FRMD5: variants seen among roughly 807,000 people sequenced by gnomAD.
The protein encoded by FRMD5 is FERM domain containing 5, also known as FERM domain-containing protein 5.
FRMD5 carries 20 observed loss-of-function variants against 69.0 expected under a neutral mutation model. The ratio of observed to expected loss-of-function variants is 0.29; its 90% CI spans 0.20 to 0.42. The LOEUF (loss-of-function observed/expected upper bound fraction) is 0.42, where lower values mean the gene tolerates loss of function less well. Among genes scored for constraint, FRMD5 ranks in the 10% least tolerant of loss-of-function variants. FRMD5 has a pLI of 1.00. For synonymous variants in FRMD5, 271 were observed against 260.1 expected, an observed-to-expected ratio of 1.04 and a Z score of -0.40; for missense variants, 595 against 708.6, an observed-to-expected ratio of 0.84 and a Z score of 1.82.
intron 13 of FRMD5, chr15:43,876,350 TGA>T (rs2088356765): frequency 1.2e-6 from 1 of 854,156 alleles, no homozygotes; most frequent in Non-Finnish European, 2.0e-6. Flanking sequence ...GACCACGGTT[TGA>T]GTCTCAAGTC....
At chr15:44,082,815 C>T (rs1422260970) in intron 1 of FRMD5, among the ~76,000 whole-genome samples, 1 of 151,950 alleles carries the variant, frequency 6.6e-6, no homozygotes, top group Non-Finnish European at 1.5e-5. Flanking sequence ...AGCTAATTGG[C>T]TAATTCACAA....
At chr15:43,990,082 A>G (rs1369928620) in intron 1 of FRMD5, 3 of 686,990 alleles carry the variant, frequency 4.4e-6, no homozygotes, top group Non-Finnish European at 8.2e-6. Flanking sequence ...GCGCCCCACA[A>G]TGAAGGGGAA....
intron 1 of FRMD5, chr15:43,989,980 T>C: frequency 9.8e-7 from 1 of 1,024,140 alleles, no homozygotes. Context: ...GATGGGGTAC[T>C]TCAGGGTCAG....
At chr15:43,961,284 A>G (rs1254681818) in intron 1 of FRMD5, among the ~76,000 whole-genome samples, 2 of 152,232 alleles carry the variant, frequency 1.3e-5, no homozygotes, top group Non-Finnish European at 2.9e-5. Context: ...ACCTCTACGC[A>G]AATAAACTAG....
At chr15:43,985,364 G>T (rs1323697369) in intron 1 of FRMD5, among the ~76,000 whole-genome samples, 1 of 151,594 alleles carries the variant, frequency 6.6e-6, no homozygotes, top group African/African-American at 2.4e-5. Flanking sequence ...GGGAAGCCAT[G>T]GGCAAGTCAT....
In FRMD5 at chr15:43,872,823, T is replaced by C. The variant is rs1567198867; in HGVS notation, c.*1062A>G. ...TTTAGTTCATCAGGCTCTATTTTCT[T>C]AATCCATAAAGTAAAAACAAAATAT... On this transcript the variant is annotated 3_prime_UTR_variant, in exon 14 of 14. Transcript: ENST00000417257. The C allele has an allele frequency of 4.7e-6, 1 of 211,892 alleles. No homozygotes were observed. Among genetic ancestry groups the C allele is most frequent in the East Asian group, 1.0e-4 (1 of 9,730 alleles). The allele number at this position is 211,892 out of a possible 1,614,324, so 13.1% of individuals were successfully genotyped here.
intron 1 of FRMD5, among the ~76,000 whole-genome samples, chr15:43,974,710 A>C (rs535115128): frequency 1.6e-4 from 25 of 152,348 alleles, no homozygotes; most frequent in Admixed American, 3.3e-4. Context: ...AATATGCATA[A>C]ACAATATTCT....
At chr15:44,016,911 C>G (rs1890987626) in intron 1 of FRMD5, among the ~76,000 whole-genome samples, 1 of 151,560 alleles carries the variant, frequency 6.6e-6, no homozygotes, top group Non-Finnish European at 1.5e-5. Context: ...TCCCGAGTAG[C>G]TAGGACTACA....
intron 1 of FRMD5, among the ~76,000 whole-genome samples, chr15:44,160,430 G>T (rs560661850): frequency 6.0e-4 from 92 of 152,228 alleles, no homozygotes; most frequent in African/African-American, 2.1e-3. Context: ...GGAGAGGGAC[G>T]GATAAGTTGT....
intron 1 of FRMD5, among the ~76,000 whole-genome samples, chr15:44,164,038 C>T (rs995593294): frequency 6.6e-6 from 1 of 152,210 alleles, no homozygotes; most frequent in African/African-American, 2.4e-5. Context: ...TGCTCCTTAA[C>T]CTCCGCACCA....
At chr15:43,974,240 T>G (rs894044726) in intron 1 of FRMD5, among the ~76,000 whole-genome samples, 1 of 151,906 alleles carries the variant, frequency 6.6e-6, no homozygotes, top group Non-Finnish European at 1.5e-5. Context: ...TCCTTAAGGG[T>G]GAATGAGAGT....
chr15:44,148,703 T>C (rs918956452), intron 1 of FRMD5, among the ~76,000 whole-genome samples: 2 of 152,220 alleles, frequency 1.3e-5, no homozygotes, highest in Non-Finnish European at 2.9e-5. Context: ...TTAATTACAG[T>C]ATGTACATTT....
rs142967488 is a variant in FRMD5 at position 43,916,717 on chromosome 15, C to T, written c.329+2742G>A. Among the ~76,000 whole-genome samples, 205 of 152,042 alleles carry T rather than the reference C, an allele frequency of 1.3e-3. 2 individuals are homozygous for T. The highest frequency in any genetic ancestry group is 4.6e-3 in the African/African-American group (192 of 41,466). ...GATCTGAGCTCCCAGGTCTATGCTG[C>T]TTCTTGGGTAGGAAGGTCTGTCCAT... On this transcript the variant is annotated intron_variant, in intron 4 of 13. Transcript: ENST00000417257.
Position 43,907,821 on chromosome 15 carries a change from T to C in FRMD5, c.428-1870A>G, listed in dbSNP as rs149500042. On this transcript the variant is annotated intron_variant, in intron 5 of 13. Coordinates refer to ENST00000417257, the MANE Select transcript of FRMD5 (RefSeq NM_032892.5). ...GTGCCAGGCCTAATTTTTAAATTTT[T>C]TGTAGAGATGGGGTTTCACTCTGTT... Among the ~76,000 whole-genome samples, 1,143 of 152,226 alleles carry C rather than the reference T, an allele frequency of 7.5e-3. 12 individuals are homozygous for C. The highest frequency in any genetic ancestry group is 0.026 in the African/African-American group (1,086 of 41,544).
At chr15:44,197,166 A>C (rs1207843101), upstream of FRMD5, among the ~76,000 whole-genome samples, 1 of 151,382 alleles carries the variant, frequency 6.6e-6, no homozygotes, top group Non-Finnish European at 1.5e-5. Context: ...GTGCCACTGC[A>C]CTCCAGCCTG....
intron 1 of FRMD5, among the ~76,000 whole-genome samples, chr15:43,992,664 C>T (rs1205602288): frequency 2.6e-5 from 4 of 152,050 alleles, no homozygotes; most frequent in African/African-American, 7.2e-5. Context: ...AGGTGTGAGC[C>T]GCTGCACCCG....
intron 1 of FRMD5, among the ~76,000 whole-genome samples, chr15:44,070,294 C>T (rs912522023): frequency 1.3e-5 from 2 of 150,846 alleles, no homozygotes; most frequent in Non-Finnish European, 3.0e-5. Flanking sequence ...GGGTGACAGA[C>T]CAAAACCTTA....
chr15:43,906,808 A>C (rs548313144), intron 5 of FRMD5, among the ~76,000 whole-genome samples: 1 of 146,852 alleles, frequency 6.8e-6, no homozygotes, highest in Middle Eastern at 3.2e-3. Flanking sequence ...TCACCGTGTT[A>C]GCCAGGATGG....
At chr15:44,149,810 C>T (rs1355025324) in intron 1 of FRMD5, among the ~76,000 whole-genome samples, 1 of 152,072 alleles carries the variant, frequency 6.6e-6, no homozygotes, top group Non-Finnish European at 1.5e-5. Context: ...TCTAGGAGGG[C>T]AGCACTACCC....
Sources: gnomAD v4.1 joint callset for allele counts (sites outside exome capture counted in the v4.1 genomes callset) on GRCh38, gnomAD v4.1.1 for gene constraint, MANE v1.5 for transcripts, NCBI Gene and HGNC (gene_info 2026-07-23, HGNC 2026-07-21) for gene names.